Variants in GRIN2A observed in about 807,000 individuals in gnomAD.
The protein encoded by GRIN2A is glutamate ionotropic receptor NMDA type subunit 2A.
Under a neutral mutation model 113.4 loss-of-function variants are expected in GRIN2A, and 22 were observed. The ratio of observed to expected loss-of-function variants is 0.19; its 90% confidence interval spans 0.14 to 0.28. The LOEUF is 0.28. GRIN2A is among the 10% of genes least tolerant of loss of function. GRIN2A has a pLI of 1.00. For missense variants in GRIN2A, 1,502 were observed against 1,887.0 expected (o/e 0.80, Z 3.78); for synonymous variants, 827 against 738.4 (o/e 1.12, Z -1.94).
chr16:10,172,570 G>A (rs557427782), intron 2 of GRIN2A, among the ~76,000 whole-genome samples: 30 of 152,360 alleles, frequency 2.0e-4, no homozygotes, highest in African/African-American at 6.0e-4. Flanking sequence ...GAAAGGAGGG[G>A]CACCTGTCCT....
At chr16:10,047,725 C>G (rs1286007353) in intron 2 of GRIN2A, among the ~76,000 whole-genome samples, 2 of 152,174 alleles carry the variant, frequency 1.3e-5, no homozygotes, top group Non-Finnish European at 2.9e-5. Context: ...TCAGAAGTGT[C>G]TGAGAGTTAA....
intron 2 of GRIN2A, among the ~76,000 whole-genome samples, chr16:10,004,788 C>A (rs1022339568): frequency 6.6e-6 from 1 of 152,292 alleles, no homozygotes; most frequent in Admixed American, 6.5e-5. Flanking sequence ...ACAGGAAAAT[C>A]TCCCCATATC....
intron 10 of GRIN2A, among the ~76,000 whole-genome samples, chr16:9,817,317 A>T (rs1030322496): frequency 6.6e-6 from 1 of 152,110 alleles, no homozygotes; most frequent in Non-Finnish European, 1.5e-5. Flanking sequence ...GCTGCGGGGA[A>T]TGATGCTTAT....
intron 2 of GRIN2A, among the ~76,000 whole-genome samples, chr16:9,940,059 A>AGGGTGT (rs1348841299): frequency 6.9e-6 from 1 of 145,390 alleles, no homozygotes; most frequent in Non-Finnish European, 1.5e-5. Flanking sequence ...AGAGAGAGAG[A>AGGGTGT]GAGTGTGTGT....
At chr16:10,043,873 A>C (rs1026198522) in intron 2 of GRIN2A, among the ~76,000 whole-genome samples, 1 of 151,898 alleles carries the variant, frequency 6.6e-6, no homozygotes, top group Non-Finnish European at 1.5e-5. Context: ...TGCAATATAC[A>C]TATACATACA....
chr16:10,053,063 A>G (rs547016407), intron 2 of GRIN2A, among the ~76,000 whole-genome samples: 1 of 151,858 alleles, frequency 6.6e-6, no homozygotes, highest in East Asian at 1.9e-4. Context: ...AAAAAAAAAA[A>G]TACAGACAGT....
intron 3 of GRIN2A, among the ~76,000 whole-genome samples, chr16:9,899,440 CAAAA>C (rs71157791): frequency 3.2e-4 from 2 of 6,208 alleles, no homozygotes; most frequent in South Asian, 3.0e-3. Flanking sequence ...AACTCCGTCT[CAAAA>C]AAAAAAAAAA....
At chr16:9,992,464 C>T (rs1477451712) in intron 2 of GRIN2A, among the ~76,000 whole-genome samples, 2 of 152,160 alleles carry the variant, frequency 1.3e-5, no homozygotes, top group Non-Finnish European at 2.9e-5. Flanking sequence ...TTTCTTTGTA[C>T]CATCAAAGAA....
At chr16:9,967,595 C>T (rs1238601713) in intron 2 of GRIN2A, among the ~76,000 whole-genome samples, 1 of 152,072 alleles carries the variant, frequency 6.6e-6, no homozygotes, top group Non-Finnish European at 1.5e-5. Flanking sequence ...GTCTCAGCTA[C>T]TTGGGGAGGC....
chr16:9,997,364 C>G (rs372002532), intron 2 of GRIN2A, among the ~76,000 whole-genome samples: 3 of 152,268 alleles, frequency 2.0e-5, no homozygotes, highest in African/African-American at 7.2e-5. Flanking sequence ...AGATTCTATC[C>G]CGGGGGATCT....
intron 2 of GRIN2A, among the ~76,000 whole-genome samples, chr16:10,072,022 A>G (rs1567277705): frequency 6.6e-6 from 1 of 152,296 alleles, no homozygotes; most frequent in East Asian, 1.9e-4. Context: ...CCACTACATA[A>G]AAGATTCTTC....
chr16:9,946,489 G>A (rs1293687538), intron 2 of GRIN2A, among the ~76,000 whole-genome samples: 1 of 152,166 alleles, frequency 6.6e-6, no homozygotes, highest in African/African-American at 2.4e-5. Flanking sequence ...ATTTTCTTCA[G>A]ATCCCTTTTT....
chr16:9,961,701 C>T (rs1596365639), intron 2 of GRIN2A, among the ~76,000 whole-genome samples: 1 of 152,124 alleles, frequency 6.6e-6, no homozygotes, highest in Non-Finnish European at 1.5e-5. Context: ...GGCCATACTG[C>T]CCAAGGTAAT....
At chr16:10,102,563 G>A (rs940855283) in intron 2 of GRIN2A, among the ~76,000 whole-genome samples, 2 of 151,674 alleles carry the variant, frequency 1.3e-5, no homozygotes, top group African/African-American at 2.4e-5. Flanking sequence ...TTTTTATTGG[G>A]GGGGACAGAG....
chr16:10,155,627 C>T (rs2049675815), intron 2 of GRIN2A, among the ~76,000 whole-genome samples: 1 of 152,202 alleles, frequency 6.6e-6, no homozygotes, highest in Non-Finnish European at 1.5e-5. Context: ...TGTTCTCACA[C>T]TGATAATAAA....
At chr16:9,832,086 T>TTTTATTTATTTATTTA (rs35044218) in intron 8 of GRIN2A, among the ~76,000 whole-genome samples, 5 of 135,602 alleles carry the variant, frequency 3.7e-5, no homozygotes, top group Non-Finnish European at 6.3e-5. Context: ...GCCAGGCTTA[T>TTTTATTTATTTATTTA]TTTATTTATT....
intron 2 of GRIN2A, among the ~76,000 whole-genome samples, chr16:10,127,465 A>G (rs574740996): frequency 1.3e-5 from 2 of 152,064 alleles, no homozygotes; most frequent in East Asian, 1.9e-4. Flanking sequence ...CATTTTTCCA[A>G]TCTTAGCCTA....
At chr16:10,117,685 C>T (rs1327700914) in intron 2 of GRIN2A, among the ~76,000 whole-genome samples, 1 of 152,130 alleles carries the variant, frequency 6.6e-6, no homozygotes, top group East Asian at 1.9e-4. Flanking sequence ...CATCTCTGCA[C>T]CAGGAGGAAT....
At chr16:9,857,622 T>G (rs987906059) in intron 4 of GRIN2A, among the ~76,000 whole-genome samples, 3 of 152,212 alleles carry the variant, frequency 2.0e-5, no homozygotes, top group African/African-American at 7.2e-5. Context: ...GGCAAATTTC[T>G]TAATATCTAT....
Sources: allele counts gnomAD v4.1 joint callset (sites outside exome capture counted in the v4.1 genomes callset), GRCh38; gene constraint gnomAD v4.1.1; transcripts MANE v1.5; gene names NCBI Gene and HGNC (gene_info 2026-07-23, HGNC 2026-07-21).